Variants in DLGAP1 observed in about 807,000 individuals in gnomAD.
DLGAP1 encodes disks large-associated protein 1.
A neutral mutation model predicts 90.8 loss-of-function variants in DLGAP1; 11 were observed. The ratio of observed to expected loss-of-function variants is 0.12; its 90% CI spans 0.08 to 0.20. The LOEUF is 0.20. Ranked by LOEUF, DLGAP1 falls within the 10% of genes least tolerant of loss-of-function variation. DLGAP1 has a pLI of 1.00. For missense variants in DLGAP1, 1,050 were observed against 1,333.8 expected (o/e 0.79, Z 3.31); for synonymous variants, 558 against 540.7 (o/e 1.03, Z -0.44).
At chr18:3,769,387 T>C (rs9948183) in intron 5 of DLGAP1, among the ~76,000 whole-genome samples, 2,754 of 152,274 alleles carry the variant, frequency 0.018, 103 homozygotes, top group African/African-American at 0.062. Context: ...CCAAGAATTG[T>C]ACTCCTGGGA....
intron 2 of DLGAP1, among the ~76,000 whole-genome samples, chr18:4,007,635 G>A (rs2074331064): frequency 6.6e-6 from 1 of 151,662 alleles, no homozygotes; most frequent in African/African-American, 2.4e-5. Context: ...CAGCCTGGGT[G>A]ACAGAACAAG....
At chr18:3,837,267 C>T (rs1464608744) in intron 4 of DLGAP1, among the ~76,000 whole-genome samples, 1 of 152,018 alleles carries the variant, frequency 6.6e-6, no homozygotes, top group Non-Finnish European at 1.5e-5. Flanking sequence ...ATTAGCTTTC[C>T]TTCCTCAATA....
intron 2 of DLGAP1, among the ~76,000 whole-genome samples, chr18:4,139,718 G>A (rs1451971517): frequency 6.6e-6 from 1 of 151,912 alleles, no homozygotes; most frequent in Non-Finnish European, 1.5e-5. Context: ...GTGGGGTGCT[G>A]AAATCTCCAG....
chr18:4,171,370 C>T (rs541077825), intron 1 of DLGAP1, among the ~76,000 whole-genome samples: 15 of 151,796 alleles, frequency 9.9e-5, no homozygotes, highest in African/African-American at 3.4e-4. Flanking sequence ...CCCGTCTCTA[C>T]TAAAAATACA....
intron 7 of DLGAP1, among the ~76,000 whole-genome samples, chr18:3,720,171 A>G (rs2061922193): frequency 6.6e-6 from 1 of 152,216 alleles, no homozygotes; most frequent in African/African-American, 2.4e-5. Flanking sequence ...AGTTTGTCAT[A>G]TATTAGAGAT....
intron 2 of DLGAP1, among the ~76,000 whole-genome samples, chr18:4,094,735 C>T (rs2075648831): frequency 2.6e-5 from 4 of 151,386 alleles, no homozygotes; most frequent in Non-Finnish European, 5.9e-5. Context: ...GTAGCTGGGA[C>T]TACAGGCATG....
At chr18:3,555,510 T>C (rs1464891324) in intron 9 of DLGAP1, among the ~76,000 whole-genome samples, 1 of 152,156 alleles carries the variant, frequency 6.6e-6, no homozygotes, top group Non-Finnish European at 1.5e-5. Context: ...TTTAGCATTA[T>C]TGTGGAAATG....
intron 7 of DLGAP1, among the ~76,000 whole-genome samples, chr18:3,641,798 T>C (rs1430599156): frequency 2.0e-5 from 3 of 152,186 alleles, no homozygotes; most frequent in East Asian, 3.8e-4. Flanking sequence ...ATATGTACTA[T>C]AGATGCTGGG....
intron 1 of DLGAP1, among the ~76,000 whole-genome samples, chr18:4,265,998 T>G (rs2079123621): frequency 6.6e-6 from 1 of 152,032 alleles, no homozygotes; most frequent in Non-Finnish European, 1.5e-5. Flanking sequence ...ATTAATATAA[T>G]TAACACTGAA....
At chr18:4,170,928 A>C (rs967310555) in intron 1 of DLGAP1, among the ~76,000 whole-genome samples, 3 of 152,158 alleles carry the variant, frequency 2.0e-5, no homozygotes, top group African/African-American at 7.2e-5. Context: ...CCACATATGC[A>C]TGTGTCTGTT....
intron 7 of DLGAP1, among the ~76,000 whole-genome samples, chr18:3,645,801 C>A (rs2059098052): frequency 6.6e-6 from 1 of 152,298 alleles, no homozygotes; most frequent in African/African-American, 2.4e-5. Flanking sequence ...CTTTCTGTCC[C>A]CATGGCCTGG....
chr18:3,932,351 C>T (rs961946232), intron 3 of DLGAP1, among the ~76,000 whole-genome samples: 17 of 152,178 alleles, frequency 1.1e-4, no homozygotes, highest in African/African-American at 3.6e-4. Flanking sequence ...CTCTAGACAG[C>T]CGGCCAATAA....
chr18:3,926,648 C>A (rs2072397935), intron 3 of DLGAP1, among the ~76,000 whole-genome samples: 1 of 151,258 alleles, frequency 6.6e-6, no homozygotes, highest in African/African-American at 2.4e-5. Flanking sequence ...CTCTATATAT[C>A]TATAGGTATA....
chr18:3,664,507 C>A (rs2059809461), intron 7 of DLGAP1, among the ~76,000 whole-genome samples: 1 of 152,170 alleles, frequency 6.6e-6, no homozygotes, highest in South Asian at 2.1e-4. Context: ...CCTTTCAGTT[C>A]TACTAATATT....
chr18:4,111,228 C>T (rs8093013), intron 2 of DLGAP1, among the ~76,000 whole-genome samples: 78,895 of 151,926 alleles, frequency 0.52, 22,168 homozygotes, highest in African/African-American at 0.75. Context: ...GTTTTGAATG[C>T]TGAACCAACC....
At chr18:3,787,715 G>A (rs921963731) in intron 5 of DLGAP1, among the ~76,000 whole-genome samples, 1 of 151,992 alleles carries the variant, frequency 6.6e-6, no homozygotes, top group African/African-American at 2.4e-5. Flanking sequence ...TATGCAAAAT[G>A]TGGGCTTCCT....
At chr18:4,336,383 A>C (rs1267208950) in intron 1 of DLGAP1, among the ~76,000 whole-genome samples, 1 of 152,246 alleles carries the variant, frequency 6.6e-6, no homozygotes, top group Non-Finnish European at 1.5e-5. Flanking sequence ...TGCTGACCAC[A>C]TACAACTGTG....
chr18:3,693,848 G>A (rs2060986277), intron 7 of DLGAP1, among the ~76,000 whole-genome samples: 1 of 152,174 alleles, frequency 6.6e-6, no homozygotes, highest in Non-Finnish European at 1.5e-5. Context: ...ATGTTGCACT[G>A]TTTGTATCAG....
intron 7 of DLGAP1, among the ~76,000 whole-genome samples, chr18:3,691,243 G>A (rs1251633611): frequency 6.6e-6 from 1 of 152,126 alleles, no homozygotes; most frequent in East Asian, 1.9e-4. Flanking sequence ...GAGGTCAGGA[G>A]TTTAAGACCA....
Sources: allele counts gnomAD v4.1 joint callset (sites outside exome capture counted in the v4.1 genomes callset), GRCh38; gene constraint gnomAD v4.1.1; transcripts MANE v1.5; gene names NCBI Gene and HGNC (gene_info 2026-07-23, HGNC 2026-07-21).